RBFOX3: variants seen among roughly 807,000 people sequenced by gnomAD.
RBFOX3 encodes RNA binding protein fox-1 homolog 3.
In RBFOX3, 17 loss-of-function variants were observed where a neutral mutation model predicts 48.7. That is an observed-to-expected ratio of 0.35 (90% CI 0.24 to 0.52). The LOEUF is 0.52. Ranked by LOEUF, RBFOX3 falls within the 20% of genes least tolerant of loss-of-function variation. RBFOX3 has a pLI of 0.94. For missense variants in RBFOX3, 382 were observed against 497.5 expected (o/e 0.77, Z 2.21); for synonymous variants, 212 against 209.5 (o/e 1.01, Z -0.10).
chr17:79,429,019 C>G (rs1268870050), intron 2 of RBFOX3, among the ~76,000 whole-genome samples: 2 of 152,220 alleles, frequency 1.3e-5, no homozygotes, highest in African/African-American at 2.4e-5. Flanking sequence ...GTGACTCCCC[C>G]AGAGAGACTC....
chr17:79,465,182 G>A (rs940912914), intron 2 of RBFOX3, among the ~76,000 whole-genome samples: 7 of 152,158 alleles, frequency 4.6e-5, no homozygotes, highest in African/African-American at 7.2e-5. Context: ...TTGGCTTCCC[G>A]AGGCGGCCTC....
At chr17:79,382,324 G>A (rs534530419) in intron 2 of RBFOX3, among the ~76,000 whole-genome samples, 2 of 152,312 alleles carry the variant, frequency 1.3e-5, no homozygotes, top group East Asian at 3.9e-4. Context: ...TGCAGGGATG[G>A]GGGGCTCTAG....
Position 79,535,628 on chromosome 17 carries a change from G to A in RBFOX3, c.-319-53030C>T, listed in dbSNP as rs1280273697. Reference sequence around the variant, plus strand: ...CGGTCCTGGCCAGACCACATTCTGGGCGGACAAGGCAGGATAGCCAGCCCA... The same window carrying A: ...CGGTCCTGGCCAGACCACATTCTGGACGGACAAGGCAGGATAGCCAGCCCA... On this transcript the variant is annotated intron_variant, in intron 1 of 14. Transcript: ENST00000693108. This position sits in a 1 kb window ranked among gnomAD's most constrained non-coding sequence, Gnocchi z 4.5. Among the ~76,000 whole-genome samples the A allele has an allele frequency of 6.6e-6, 1 of 152,202 alleles. No homozygotes were observed.
intron 14 of RBFOX3, chr17:79,091,798 G>A (rs934356526): frequency 1.1e-5 from 3 of 275,128 alleles, no homozygotes; most frequent in South Asian, 1.4e-4. Context: ...TTGGCCCTGC[G>A]GTGCTAAGGG....
intron 3 of RBFOX3, among the ~76,000 whole-genome samples, chr17:79,280,846 G>C (rs1035841125): frequency 7.3e-5 from 11 of 150,322 alleles, no homozygotes; most frequent in African/African-American, 1.7e-4. Flanking sequence ...CATTGTGGGG[G>C]GGGGGAGGGG....
intron 3 of RBFOX3, among the ~76,000 whole-genome samples, chr17:79,247,561 C>A (rs2063348392): frequency 6.6e-6 from 1 of 152,170 alleles, no homozygotes; most frequent in Non-Finnish European, 1.5e-5. Flanking sequence ...ATCCGCCCAC[C>A]TTGGCCTCCC....
intron 4 of RBFOX3, among the ~76,000 whole-genome samples, chr17:79,152,371 A>G (rs2707035): frequency 0.65 from 97,972 of 151,764 alleles, 31,962 homozygotes; most frequent in Non-Finnish European, 0.69. Context: ...AAATCAAAGC[A>G]CTGTGCCAGC....
intron 1 of RBFOX3, among the ~76,000 whole-genome samples, chr17:79,546,102 T>C (rs189947509): frequency 7.2e-5 from 11 of 152,374 alleles, no homozygotes; most frequent in Admixed American, 6.5e-5. Flanking sequence ...TCAATGGCTA[T>C]AGGTAGATCC....
intron 5 of RBFOX3, among the ~76,000 whole-genome samples, chr17:79,113,257 C>T (rs1377252285): frequency 6.6e-6 from 1 of 152,098 alleles, no homozygotes; most frequent in African/African-American, 2.4e-5. Context: ...ATCTAGAACA[C>T]CCTCTCCAGC....
At chr17:79,628,697 C>G in the RBFOX3 span, among the ~76,000 whole-genome samples, 1 of 152,226 alleles carries the variant, frequency 6.6e-6, no homozygotes, top group Non-Finnish European at 1.5e-5. Context: ...CATGAGGCAG[C>G]AATTCCCTGT....
chr17:79,506,342 C>T (rs941803254), intron 1 of RBFOX3, among the ~76,000 whole-genome samples: 25 of 152,296 alleles, frequency 1.6e-4, no homozygotes, highest in African/African-American at 6.0e-4. Context: ...CAAAGGTACA[C>T]GGACTCGGCT....
chr17:79,562,645 G>A (rs1171970004), intron 1 of RBFOX3, among the ~76,000 whole-genome samples: 1 of 152,122 alleles, frequency 6.6e-6, no homozygotes, highest in Non-Finnish European at 1.5e-5. Context: ...AGTACCACCC[G>A]GGCTGTTGCT....
At chr17:79,410,729 A>G (rs938826119) in intron 2 of RBFOX3, among the ~76,000 whole-genome samples, 1 of 152,186 alleles carries the variant, frequency 6.6e-6, no homozygotes, top group Non-Finnish European at 1.5e-5. Context: ...TTTGTTACTC[A>G]TCAGTGGCAC....
chr17:79,278,647 C>T (rs773797507), intron 3 of RBFOX3, among the ~76,000 whole-genome samples: 14 of 152,238 alleles, frequency 9.2e-5, no homozygotes, highest in Non-Finnish European at 1.8e-4. Context: ...CCAGCGGCAG[C>T]CCGCACGGCT....
chr17:79,357,381 A>C (rs961291424), intron 2 of RBFOX3, among the ~76,000 whole-genome samples: 5 of 152,220 alleles, frequency 3.3e-5, no homozygotes, highest in Non-Finnish European at 5.9e-5. Flanking sequence ...TAATCCCAGT[A>C]CTTTGGGAGG....
At chr17:79,239,455 T>C (rs2062049327) in intron 3 of RBFOX3, among the ~76,000 whole-genome samples, 1 of 152,210 alleles carries the variant, frequency 6.6e-6, no homozygotes, top group African/African-American at 2.4e-5. Flanking sequence ...TGGTGCCGAC[T>C]TCCCCAAGTG....
intron 2 of RBFOX3, among the ~76,000 whole-genome samples, chr17:79,356,612 A>T (rs2085176742): frequency 6.6e-6 from 1 of 150,800 alleles, no homozygotes; most frequent in African/African-American, 2.4e-5. Context: ...CAGGTGACCC[A>T]CCCACCTTGG....
intron 4 of RBFOX3, among the ~76,000 whole-genome samples, chr17:79,210,854 G>A (rs988403492): frequency 6.6e-5 from 10 of 151,382 alleles, no homozygotes; most frequent in Non-Finnish European, 8.8e-5. Flanking sequence ...TCCAGCGTCC[G>A]GTGATCTCAG....
intron 3 of RBFOX3, among the ~76,000 whole-genome samples, chr17:79,248,240 G>GTTTT (rs1156264022): frequency 6.7e-6 from 1 of 148,654 alleles, no homozygotes; most frequent in Non-Finnish European, 1.5e-5. Context: ...GTGTGTGTGT[G>GTTTT]TTTTTTTTTT....
Sources: gnomAD v4.1 joint callset for allele counts (sites outside exome capture counted in the v4.1 genomes callset) on GRCh38, gnomAD v4.1.1 for gene constraint, Gnocchi (gnomAD v3.1) non-coding constraint, MANE v1.5 for transcripts, NCBI Gene and HGNC (gene_info 2026-07-23, HGNC 2026-07-21) for gene names.